GLT1D1: variants seen among roughly 807,000 people sequenced by gnomAD.
The protein encoded by GLT1D1 is glycosyltransferase 1 domain-containing protein 1.
In GLT1D1, 21 loss-of-function variants were observed where a neutral mutation model predicts 28.7. The ratio of observed to expected loss-of-function variants is 0.73; its 90% confidence interval spans 0.52 to 1.05. GLT1D1 has a LOEUF of 1.05. Among genes scored for constraint, GLT1D1 ranks in the 50% least tolerant of loss-of-function variants. The probability of loss-of-function intolerance (pLI) is 0.00; values close to 1 mark genes in which losing one functional copy is unlikely to be tolerated. For synonymous variants in GLT1D1, 147 were observed against 124.8 expected (o/e 1.18, Z -1.19); for missense variants, 343 against 330.6 (o/e 1.04, Z -0.29).
At chr12:128,892,842 ATAATG>A (rs1661747517) in intron 3 of GLT1D1, among the ~76,000 whole-genome samples, 1 of 152,130 alleles carries the variant, frequency 6.6e-6, no homozygotes, top group Non-Finnish European at 1.5e-5. Context: ...TATAAATATT[ATAATG>A]TAATAAGTAC....
intron 7 of GLT1D1, among the ~76,000 whole-genome samples, chr12:128,970,689 G>C (rs574474189): frequency 6.6e-6 from 1 of 152,232 alleles, no homozygotes; most frequent in Middle Eastern, 3.2e-3. Context: ...CTGCGCCCAC[G>C]GCTGGCACCT....
At chr12:128,958,453 C>T (rs576117993) in intron 7 of GLT1D1, among the ~76,000 whole-genome samples, 3 of 152,014 alleles carry the variant, frequency 2.0e-5, no homozygotes, top group African/African-American at 7.2e-5. Flanking sequence ...AAGGTGTTGG[C>T]TGGGTGCAGT....
At chr12:128,939,449 C>G (rs952786627) in intron 4 of GLT1D1, among the ~76,000 whole-genome samples, 1 of 150,562 alleles carries the variant, frequency 6.6e-6, no homozygotes. Flanking sequence ...CAGCCGGGCA[C>G]AGTGGCTCAT....
intron 4 of GLT1D1, among the ~76,000 whole-genome samples, chr12:128,906,187 A>T (rs1854121846): frequency 6.6e-6 from 1 of 152,162 alleles, no homozygotes. Context: ...AATTTGATTC[A>T]TTTCACATTT....
chr12:128,909,279 T>G (rs1351294202), intron 4 of GLT1D1, among the ~76,000 whole-genome samples: 1 of 151,966 alleles, frequency 6.6e-6, no homozygotes, highest in Non-Finnish European at 1.5e-5. Flanking sequence ...AGGAGTTCAG[T>G]GGCAAGGCTG....
intron 4 of GLT1D1, among the ~76,000 whole-genome samples, chr12:128,929,675 G>A (rs1180838911): frequency 6.6e-6 from 1 of 152,070 alleles, no homozygotes; most frequent in African/African-American, 2.4e-5. Context: ...AAATGTCAAG[G>A]GCTAGGCCAG....
At chr12:128,967,992 T>TTTTGTTTTGC in intron 7 of GLT1D1, among the ~76,000 whole-genome samples, 1 of 152,082 alleles carries the variant, frequency 6.6e-6, no homozygotes, top group South Asian at 2.1e-4. Context: ...CTTATGTGGA[T>TTTTGTTTTGC]TTTGTTTTGC....
intron 2 of GLT1D1, among the ~76,000 whole-genome samples, chr12:128,887,637 T>C (rs1868554504): frequency 6.6e-6 from 1 of 152,168 alleles, no homozygotes; most frequent in Admixed American, 6.5e-5. Context: ...GAGCTTAATA[T>C]CTGGAGGCTG....
chr12:128,939,383 G>A (rs371269780), intron 4 of GLT1D1, among the ~76,000 whole-genome samples: 230 of 148,890 alleles, frequency 1.5e-3, no homozygotes, highest in African/African-American at 5.4e-3. Context: ...CCAATATGGC[G>A]AAACCCTGTC....
intron 4 of GLT1D1, chr12:128,944,428 G>T: frequency 7.5e-7 from 1 of 1,330,988 alleles, no homozygotes; most frequent in Non-Finnish European, 1.1e-6. Flanking sequence ...GGCTTCATAA[G>T]CCTTTAGTCT....
chr12:128,898,292 C>T (rs1287110903), intron 3 of GLT1D1, among the ~76,000 whole-genome samples: 2 of 152,090 alleles, frequency 1.3e-5, no homozygotes, highest in Non-Finnish European at 2.9e-5. Flanking sequence ...CCTGCCTCAG[C>T]CTCCTGAGTA....
intron 1 of GLT1D1, among the ~76,000 whole-genome samples, chr12:128,867,419 GA>G (rs1318656397): frequency 1.1e-3 from 124 of 111,768 alleles, no homozygotes; most frequent in East Asian, 2.6e-3. Flanking sequence ...AAAAAAAACA[GA>G]AAAAAAAAAA....
chr12:128,872,340 T>C (rs1956712942), intron 1 of GLT1D1, among the ~76,000 whole-genome samples: 1 of 152,152 alleles, frequency 6.6e-6, no homozygotes, highest in Non-Finnish European at 1.5e-5. Flanking sequence ...TCCCTATAAA[T>C]GCAGTGCAGA....
At chr12:128,958,251 G>A (rs771728988) in intron 7 of GLT1D1, among the ~76,000 whole-genome samples, 4 of 152,130 alleles carry the variant, frequency 2.6e-5, no homozygotes, top group South Asian at 2.1e-4. Context: ...TGCATCCGAC[G>A]CCCTGAGTGC....
At chr12:128,857,472 A>G (rs927575187) in intron 1 of GLT1D1, among the ~76,000 whole-genome samples, 1 of 152,214 alleles carries the variant, frequency 6.6e-6, no homozygotes, top group African/African-American at 2.4e-5. Context: ...TGGGGGAAGA[A>G]AAAGAAAAAA....
At chr12:128,949,592 C>T (rs1394021910) in intron 6 of GLT1D1, among the ~76,000 whole-genome samples, 1 of 152,198 alleles carries the variant, frequency 6.6e-6, no homozygotes, top group Non-Finnish European at 1.5e-5. Flanking sequence ...AAAAATCAAA[C>T]TTTAGCTGGA....
At chr12:128,945,097 GA>G in intron 4 of GLT1D1, 2 of 696,066 alleles carry the variant, frequency 2.9e-6, no homozygotes, top group Non-Finnish European at 2.6e-6. Context: ...GTCCCCGCTG[GA>G]AAGGTGCTTT....
At chr12:128,942,987 T>TC (rs1875525555) in intron 4 of GLT1D1, among the ~76,000 whole-genome samples, 1 of 152,132 alleles carries the variant, frequency 6.6e-6, no homozygotes, top group African/African-American at 2.4e-5. Flanking sequence ...GACCTCATGA[T>TC]CCACCCGCCT....
chr12:128,939,174 A>G (rs1292039865), intron 4 of GLT1D1, among the ~76,000 whole-genome samples: 1 of 152,102 alleles, frequency 6.6e-6, no homozygotes, highest in African/African-American at 2.4e-5. Context: ...GGTTCCTTTC[A>G]GGCAATCAGG....
Sources: allele counts gnomAD v4.1 joint callset (sites outside exome capture counted in the v4.1 genomes callset), GRCh38; gene constraint gnomAD v4.1.1; transcripts MANE v1.5; gene names NCBI Gene and HGNC (gene_info 2026-07-23, HGNC 2026-07-21).